ABHD12: variants seen among roughly 807,000 people sequenced by gnomAD.
The protein encoded by ABHD12 is lysophosphatidylserine lipase ABHD12.
ABHD12 carries 43 observed loss-of-function variants against 58.3 expected under a neutral mutation model. That is an observed-to-expected ratio of 0.74 (90% CI 0.58 to 0.95). The LOEUF (loss-of-function observed/expected upper bound fraction) is 0.95. Among genes scored for constraint, ABHD12 ranks in the 40% least tolerant of loss-of-function variants. ABHD12 has a pLI of 0.00. For missense variants in ABHD12, 539 were observed against 537.2 expected (o/e 1.00, Z -0.03); for synonymous variants, 219 against 211.2 (o/e 1.04, Z -0.32).
intron 1 of ABHD12, among the ~76,000 whole-genome samples, chr20:25,352,217 C>T (rs1337654340): frequency 6.6e-6 from 1 of 151,774 alleles, no homozygotes; most frequent in Non-Finnish European, 1.5e-5. Context: ...GTCTCAAACT[C>T]TTGACCTCAT....
chr20:25,350,037 T>G (rs377092398), intron 1 of ABHD12, among the ~76,000 whole-genome samples: 33 of 152,290 alleles, frequency 2.2e-4, no homozygotes, highest in South Asian at 2.1e-3. Flanking sequence ...AAAGAGGGGC[T>G]TACAAAGTTA....
intron 3 of ABHD12, among the ~76,000 whole-genome samples, chr20:25,322,160 C>G (rs1329807606): frequency 1.3e-5 from 2 of 151,866 alleles, no homozygotes; most frequent in African/African-American, 4.8e-5. Flanking sequence ...TTCAGAAGCA[C>G]CACTTGTGTA....
intron 1 of ABHD12, among the ~76,000 whole-genome samples, chr20:25,374,185 C>T (rs1202993784): frequency 6.6e-6 from 1 of 152,044 alleles, no homozygotes; most frequent in East Asian, 1.9e-4. Context: ...TTTATCCTCC[C>T]AAAGTGCTAG....
intron 6 of ABHD12, chr20:25,310,384 C>CA (rs2088826770): frequency 6.6e-6 from 1 of 152,254 alleles, no homozygotes; most frequent in Admixed American, 6.5e-5. Flanking sequence ...CTCTGCCCCC[C>CA]AAAATTACAA....
At position 25,322,381 on chromosome 20, in the gene ABHD12, A is replaced by ATATATATATATATATATATATTT; in HGVS notation, c.422+943_422+944insAAATATATATATATATATATATA. Among the ~76,000 whole-genome samples, 24 of 59,258 alleles carry ATATATATATATATATATATATTT rather than the reference A, an allele frequency of 4.1e-4. 1 individual carries two copies. The highest frequency in any genetic ancestry group is 1.7e-3 in the African/African-American group (21 of 12,086). The allele number at this position is 59,258 out of a possible 152,430, so 38.9% of individuals were successfully genotyped here. A position where few individuals can be genotyped will look rare whatever the true frequency, so the allele number is the denominator to read the frequency against. ...GGAAAAGATATATATATATATATAT[A>ATATATATATATATATATATATTT]TTTTTTTTTTTTTTTGAGACAAGAG... On this transcript the variant is annotated intron_variant, in intron 3 of 12. Transcript: ENST00000339157.
intron 1 of ABHD12, chr20:25,339,563 G>GT: frequency 6.9e-7 from 1 of 1,442,242 alleles, no homozygotes; most frequent in Non-Finnish European, 9.5e-7. Context: ...TCTACTGGGG[G>GT]TAAGAGGAAC....
intron 9 of ABHD12, among the ~76,000 whole-genome samples, 186 bp from the exon 10 acceptor site, chr20:25,307,101 G>A (rs1172803613): frequency 3.3e-5 from 5 of 152,188 alleles, no homozygotes; most frequent in East Asian, 1.9e-4. Flanking sequence ...TGCCCTGGCC[G>A]TGTCCTGGCT....
chr20:25,366,625 C>T (rs1479846768), intron 1 of ABHD12, among the ~76,000 whole-genome samples: 1 of 152,158 alleles, frequency 6.6e-6, no homozygotes, highest in Non-Finnish European at 1.5e-5. Context: ...AAGCCCTCCT[C>T]CATTTCAAGA....
chr20:25,302,365 G>A lies in ABHD12; in HGVS notation c.1030-19C>T, dbSNP rs895806378. On this transcript the variant is annotated intron_variant, in intron 11 of 12. Transcript: ENST00000339157. ...TATAGAGCTGGGGAGAGAGGGGTCA[G>A]AGCCTGAGGCAGTGGCCTGGCATGG... 4 of 1,612,376 alleles carry A rather than the reference G, an allele frequency of 2.5e-6. No homozygotes were observed. The African/African-American group carries it at 4.0e-5, about 16-fold the overall frequency.
intron 1 of ABHD12, among the ~76,000 whole-genome samples, chr20:25,359,856 C>A (rs139034184): frequency 6.6e-6 from 1 of 152,200 alleles, no homozygotes; most frequent in Non-Finnish European, 1.5e-5. Flanking sequence ...TAGGCGTGAG[C>A]CACTGTGCCT....
At chr20:25,309,645 C>T in intron 6 of ABHD12, 70 bp from the exon 7 acceptor site, 2 of 1,601,934 alleles carry the variant, frequency 1.2e-6, no homozygotes, top group East Asian at 2.2e-5. Flanking sequence ...CACACCTCCC[C>T]AAGGGGGCCC....
rs371718581 is a variant in ABHD12, at chr20:25,365,044, C to T, written c.191+25469G>A. Among the ~76,000 whole-genome samples, 23 of 152,346 alleles carry T rather than the reference C, an allele frequency of 1.5e-4. No individual in the cohort carries two copies. The East Asian group carries it at 4.2e-3, about 28-fold the overall frequency. On this transcript the variant is annotated intron_variant, in intron 1 of 12. Transcript: ENST00000339157. ...GTGTAGCCAGGTAAGTAGTTCTCACCTATGCAACGTGAGTAAGGCCTCATG... is the reference window on the plus strand; with the variant it reads ...GTGTAGCCAGGTAAGTAGTTCTCACTTATGCAACGTGAGTAAGGCCTCATG...
intron 2 of ABHD12, among the ~76,000 whole-genome samples, chr20:25,330,391 G>T (rs1320836998): frequency 6.6e-6 from 1 of 152,234 alleles, no homozygotes; most frequent in East Asian, 1.9e-4. Flanking sequence ...TTGGGGAGGG[G>T]CGCCCGCCAT....
At chr20:25,297,409 T>A (rs2088564992), downstream of ABHD12, 1 of 152,560 alleles carries the variant, frequency 6.6e-6, no homozygotes, top group African/African-American at 2.4e-5. Context: ...AGGGGGCAGG[T>A]CTGTGCCCTC....
rs1007502184 is a variant in ABHD12 at position 25,300,392 on chromosome 20, G to A, written c.*453C>T. The A allele has an allele frequency of 6.2e-6, 7 of 1,122,966 alleles. No homozygotes were observed. Among genetic ancestry groups the A allele is most frequent in the Admixed American group, 4.1e-5 (1 of 24,132 alleles). 69.6% of individuals were successfully genotyped at this position (1,122,966 alleles called of 1,614,324 possible). A position where few individuals can be genotyped will look rare whatever the true frequency, so the allele number is the denominator to read the frequency against. On this transcript the variant is annotated 3_prime_UTR_variant, in exon 13 of 13. Transcript: ENST00000339157. ...GCAGGTACACAGGGCAGGAGGGGAC[G>A]ATGGAACCACTGGAGTCATTCTGCA...
chr20:25,360,823 CGGA>C (rs2089736449), intron 1 of ABHD12, among the ~76,000 whole-genome samples: 2 of 152,140 alleles, frequency 1.3e-5, no homozygotes, highest in Non-Finnish European at 2.9e-5. Context: ...CAGGATCAGG[CGGA>C]CAACTGGAAA....
intron 6 of ABHD12, among the ~76,000 whole-genome samples, chr20:25,312,813 C>T (rs1159704968): frequency 2.0e-5 from 3 of 147,474 alleles, no homozygotes; most frequent in African/African-American, 7.6e-5. Context: ...ATGTGAGGAG[C>T]GCCTCTGCCC....
chr20:25,299,358 C>T (rs1161122560), downstream of ABHD12, among the ~76,000 whole-genome samples: 1 of 152,012 alleles, frequency 6.6e-6, no homozygotes, highest in East Asian at 1.9e-4. Context: ...TATGATTGTG[C>T]CACTGCACTC....
At chr20:25,361,499 C>T (rs185492989) in intron 1 of ABHD12, among the ~76,000 whole-genome samples, 2 of 152,204 alleles carry the variant, frequency 1.3e-5, no homozygotes, top group East Asian at 3.9e-4. Context: ...GCCACCTCGC[C>T]TAGGTAACAT....
Sources: gnomAD v4.1 joint callset for allele counts (sites outside exome capture counted in the v4.1 genomes callset) on GRCh38, gnomAD v4.1.1 for gene constraint, MANE v1.5 for transcripts, NCBI Gene and HGNC (gene_info 2026-07-23, HGNC 2026-07-21) for gene names.